Variants in PLXNA2 observed in about 807,000 individuals in gnomAD.
The protein encoded by PLXNA2 is plexin-A2.
In PLXNA2, 91 loss-of-function variants were observed where a neutral mutation model predicts 193.5. That is an observed-to-expected ratio of 0.47 (90% confidence interval 0.40 to 0.56). The LOEUF (loss-of-function observed/expected upper bound fraction) is 0.56, where lower values mean the gene tolerates loss of function less well. Ranked by LOEUF, PLXNA2 falls within the 20% of genes least tolerant of loss-of-function variation. PLXNA2 has a pLI of 0.00. For synonymous variants in PLXNA2, 997 were observed against 1,027.3 expected, an observed-to-expected ratio of 0.97 and a Z score of 0.56; for missense variants, 1,995 against 2,503.2, an observed-to-expected ratio of 0.80 and a Z score of 4.33.
intron 13 of PLXNA2, among the ~76,000 whole-genome samples, chr1:208,060,102 C>T (rs890963431): frequency 3.9e-5 from 6 of 152,174 alleles, no homozygotes; most frequent in Admixed American, 1.3e-4. Flanking sequence ...CCCCCAGCTT[C>T]GTGCCCACCT....
At chr1:208,052,527 A>T in intron 14 of PLXNA2, 64 bp from the exon 15 acceptor site, 1 of 1,519,380 alleles carries the variant, frequency 6.6e-7, no homozygotes, top group Non-Finnish European at 9.1e-7. Context: ...GACCATGGTT[A>T]GATCTAAGGA....
chr1:208,145,181 C>G (rs1668567638), intron 3 of PLXNA2, among the ~76,000 whole-genome samples: 1 of 152,210 alleles, frequency 6.6e-6, no homozygotes, highest in Non-Finnish European at 1.5e-5. Flanking sequence ...TTTTCTGTCT[C>G]CATAAAATGG....
In PLXNA2 at chr1:208,023,984, G is replaced by C. The variant is rs1163967988; in HGVS notation, c.*3259C>G. 6.6e-6 allele frequency: 1 copy of C among 152,370 alleles called. No homozygotes were observed. The highest frequency in any genetic ancestry group is 1.5e-5 in the Non-Finnish European group (1 of 68,158). The allele number at this position is 152,370 out of a possible 1,614,324, so 9.4% of individuals were successfully genotyped here. ...GGTTTTGAGAGCCCTGCTGTGGAGA[G>C]AGGTAGGACAGCAAGCACAGAAGCA... On this transcript the variant is annotated 3_prime_UTR_variant, in exon 32 of 32. Coordinates refer to ENST00000367033, the MANE Select transcript of PLXNA2 (RefSeq NM_025179.4).
intron 10 of PLXNA2, among the ~76,000 whole-genome samples, chr1:208,083,550 G>A (rs1558183150): frequency 2.0e-5 from 3 of 151,832 alleles, no homozygotes; most frequent in South Asian, 4.1e-4. Context: ...TCTATCAAGC[G>A]CCTGTGACCT....
chr1:208,060,830 G>A lies in PLXNA2; in HGVS notation c.2594C>T (p.Thr865Met), dbSNP rs926061835. Residue 865 changes from threonine to methionine, a missense_variant, in exon 13 of 32, where the codon ACG becomes ATG. Transcript: ENST00000367033. ...CSNPQITEIL[T>M]VSGPPEGGTR... The stretch of plus-strand genomic sequence containing the variant: ...CCCTCCTTCCGGCGGTCCAGACACC[G>A]TCAAAATCTGCAGGAGGGAAATGGG... The A allele has an allele frequency of 9.9e-6, 16 of 1,613,562 alleles. No individual in the cohort carries two copies. The highest frequency in any genetic ancestry group is 2.7e-5 in the African/African-American group (2 of 74,898).
chr1:208,221,596 A>G (rs983059258), intron 1 of PLXNA2, among the ~76,000 whole-genome samples: 1 of 152,076 alleles, frequency 6.6e-6, no homozygotes, highest in South Asian at 2.1e-4. Flanking sequence ...AGTCTCCTGC[A>G]GTGAGGGGAG....
chr1:208,224,175 C>G (rs909430800), intron 1 of PLXNA2, among the ~76,000 whole-genome samples: 3 of 152,122 alleles, frequency 2.0e-5, no homozygotes. Context: ...GTAATGCCGA[C>G]GGCTGAAAGT....
intron 5 of PLXNA2, among the ~76,000 whole-genome samples, chr1:208,102,306 T>C (rs953011380): frequency 1.3e-5 from 2 of 152,264 alleles, no homozygotes; most frequent in Non-Finnish European, 2.9e-5. Flanking sequence ...TTCATGGAGA[T>C]GCTTTGCTAG....
chr1:208,237,721 T>G (rs1337110461), intron 1 of PLXNA2, among the ~76,000 whole-genome samples: 1 of 152,210 alleles, frequency 6.6e-6, no homozygotes, highest in African/African-American at 2.4e-5. Context: ...AAGCAAAGGC[T>G]TTGAGGAGCT....
Position 208,051,094 on chromosome 1 carries a change from G to A in PLXNA2, c.3170C>T (p.Thr1057Ile), listed in dbSNP as rs1665243901. The A allele has an allele frequency of 6.2e-7, 1 of 1,613,608 alleles. No homozygotes were observed. The highest frequency in any genetic ancestry group is 1.3e-5 in the African/African-American group (1 of 74,924). Residue 1057 changes from threonine (T) to isoleucine (I), a missense_variant, in exon 17 of 32, where the codon ACA becomes ATA. Transcript: ENST00000367033. The stretch of plus-strand genomic sequence containing the variant: ...GTTGAAGCCTGTGATGGTCAGGGGT[G>A]TGTGGCCACTGAAAACAGGCAGAGG... Reference protein sequence around the residue: ...EPEWSIASGHTPLTITGFNLD... With the variant: ...EPEWSIASGHIPLTITGFNLD...
chr1:208,174,918 G>A (rs1669615620), intron 3 of PLXNA2, among the ~76,000 whole-genome samples: 1 of 152,232 alleles, frequency 6.6e-6, no homozygotes, highest in Non-Finnish European at 1.5e-5. Context: ...TGGAATGCAA[G>A]GGAAATCGGA....
chr1:208,235,763 T>C (rs771877752), intron 1 of PLXNA2, among the ~76,000 whole-genome samples: 1 of 152,186 alleles, frequency 6.6e-6, no homozygotes, highest in African/African-American at 2.4e-5. Context: ...TGCAGGATTG[T>C]GCTGGGAGGG....
chr1:208,045,875 T>G lies in PLXNA2; in HGVS notation c.3495+3A>C. On this transcript the variant is annotated splice_donor_region_variant and intron_variant, in intron 18 of 31. Transcript: ENST00000367033. ...GGCACTGCCCTCTGGCGGGCACTCCTACCTTCAGAATGATGGGCGATCCTG... is the reference window on the plus strand; with the variant it reads ...GGCACTGCCCTCTGGCGGGCACTCCGACCTTCAGAATGATGGGCGATCCTG... 1.2e-6 allele frequency: 2 copies of G among 1,614,228 alleles called. No individual in the cohort carries two copies. The highest frequency in any genetic ancestry group is 2.7e-5 in the African/African-American group (2 of 75,078).
intron 17 of PLXNA2, among the ~76,000 whole-genome samples, chr1:208,047,251 G>A (rs1665105159): frequency 1.0e-5 from 1 of 96,862 alleles, no homozygotes; most frequent in Non-Finnish European, 2.3e-5. Flanking sequence ...CTGAGCCACT[G>A]GGCCCAGCCT....
At chr1:208,031,865 G>T in intron 28 of PLXNA2, 106 bp from the exon 29 acceptor site, 1 of 1,287,696 alleles carries the variant, frequency 7.8e-7, no homozygotes, top group Non-Finnish European at 1.1e-6. Flanking sequence ...AATTTGTCTG[G>T]GACACGAGGC....
In PLXNA2 at chr1:208,028,821, GCTA is replaced by G. The variant is rs1353027813; in HGVS notation, c.5438+6_5438+8del. On this transcript the variant is annotated splice_donor_region_variant and intron_variant, in intron 30 of 31. Coordinates refer to ENST00000367033, the MANE Select transcript of PLXNA2 (RefSeq NM_025179.4). This position sits in a 1 kb window ranked among gnomAD's most constrained non-coding sequence, Gnocchi z 4.2. ...AAGGGCATGGGCCTGTCCTGAGGGTGCTACTGACCTCTCCACCCAGCTCTTGTA... is the reference window on the plus strand; with the variant it reads ...AAGGGCATGGGCCTGTCCTGAGGGTGCTGACCTCTCCACCCAGCTCTTGTA... The G allele has an allele frequency of 1.2e-6, 2 of 1,612,190 alleles. No homozygotes were observed. The highest frequency in any genetic ancestry group is 1.3e-5 in the African/African-American group (1 of 74,876).
intron 29 of PLXNA2, chr1:208,029,617 T>A (rs1193092): frequency 0.99 from 978,009 of 987,230 alleles, 485,032 homozygotes; most frequent in East Asian, 1. Flanking sequence ...CCCAGGGCGT[T>A]CTTGTATCTG....
Position 208,082,447 on chromosome 1 carries a change from C to G in PLXNA2, c.2360G>C (p.Gly787Ala). 1 of 1,614,066 alleles carries G rather than the reference C, an allele frequency of 6.2e-7. No homozygotes were observed. Among genetic ancestry groups the G allele is most frequent in the Non-Finnish European group, 8.5e-7 (1 of 1,179,970 alleles). ...CTGAGGGTTGTCAATGATGAAATTG[C>G]CGTTCCACACCACAGCGAAATCCAC... ...LAVDFAVVWNGNFIIDNPQDL... is the reference protein window; with the variant it reads ...LAVDFAVVWNANFIIDNPQDL... The change falls in exon 11 of 32, where the codon GGC becomes GCC. Residue 787 changes from glycine to alanine, a missense_variant. By Grantham distance (60) the Gly-to-Ala change is moderately conservative. Coordinates refer to ENST00000367033, the MANE Select transcript of PLXNA2 (RefSeq NM_025179.4). This position sits in a 1 kb window ranked among gnomAD's most constrained non-coding sequence, Gnocchi z 4.2.
chr1:208,157,626 G>A lies in PLXNA2; in HGVS notation c.1372-15163C>T, dbSNP rs373278256. Among the ~76,000 whole-genome samples the A allele has an allele frequency of 1.2e-4, 19 of 152,318 alleles. No individual in the cohort carries two copies. The East Asian group carries it at 2.5e-3, about 20-fold the overall frequency. ...AGATACCACTCAAAATGGAAAGCCAGTGGTTGATTTGTATTCCACTGCACT... is the reference window on the plus strand; with the variant it reads ...AGATACCACTCAAAATGGAAAGCCAATGGTTGATTTGTATTCCACTGCACT... On this transcript the variant is annotated intron_variant, in intron 3 of 31. Transcript: ENST00000367033.
Sources: allele counts gnomAD v4.1 joint callset (sites outside exome capture counted in the v4.1 genomes callset), GRCh38; gene constraint gnomAD v4.1.1; non-coding constraint Gnocchi (gnomAD v3.1); transcripts MANE v1.5; gene names NCBI Gene and HGNC (gene_info 2026-07-23, HGNC 2026-07-21).